SIN3B: variants seen among roughly 807,000 people sequenced by gnomAD.
SIN3B encodes SIN3 transcription regulator family member B.
A neutral mutation model predicts 120.2 loss-of-function variants in SIN3B; 19 were observed. The ratio of observed to expected loss-of-function variants is 0.16; its 90% CI spans 0.11 to 0.23. SIN3B has a LOEUF of 0.23. Ranked by LOEUF, SIN3B falls within the 10% of genes least tolerant of loss-of-function variation. SIN3B has a pLI of 1.00. For missense variants in SIN3B, 1,073 were observed against 1,573.0 expected, an observed-to-expected ratio of 0.68 and a Z score of 5.38; for synonymous variants, 654 against 653.2, an observed-to-expected ratio of 1.00 and a Z score of -0.02.
At chr19:16,835,396 T>C (rs1461763702) in intron 3 of SIN3B, among the ~76,000 whole-genome samples, 3 of 151,328 alleles carry the variant, frequency 2.0e-5, no homozygotes, top group Non-Finnish European at 4.4e-5. Flanking sequence ...TATCAGCTAA[T>C]TTTTGTATTT....
Position 16,846,728 on chromosome 19 carries a change from G to A in SIN3B, c.583-242G>A, listed in dbSNP as rs1450299897. On this transcript the variant is annotated intron_variant, in intron 4 of 18. Transcript: ENST00000248054. The stretch of plus-strand genomic sequence containing the variant: ...ATTACAGCCAGCCTGTCACCTCCCT[G>A]CCCCCTCTGTTCGTGGACACTGCTG... Among the ~76,000 whole-genome samples the A allele has an allele frequency of 2.6e-5, 4 of 152,042 alleles. No individual in the cohort carries two copies. The East Asian group carries it at 7.7e-4, about 29-fold the overall frequency.
intron 11 of SIN3B, 77 bp downstream of exon 11, chr19:16,865,725 T>G: frequency 1.2e-6 from 1 of 805,250 alleles, no homozygotes; most frequent in Non-Finnish European, 1.8e-6. Context: ...CCCTCCCCAC[T>G]GCAGGGAGCC....
intron 3 of SIN3B, among the ~76,000 whole-genome samples, chr19:16,840,258 G>C (rs186258449): frequency 6.6e-6 from 1 of 152,138 alleles, no homozygotes; most frequent in Non-Finnish European, 1.5e-5. Context: ...AACTGAGGCC[G>C]TTAGGGTAGG....
rs2051660904 is a variant in SIN3B at position 16,879,307 on chromosome 19, C to G, written c.*580C>G. ...TTTGGAAGTGAGAAGAACCCTTCAG[C>G]CAAACCTTTGGGATCCCATTTTGAA... On this transcript the variant is annotated 3_prime_UTR_variant, in exon 19 of 19. Coordinates refer to ENST00000248054, the MANE Select transcript of SIN3B (RefSeq NM_001297595.2). The G allele has an allele frequency of 6.5e-6, 1 of 153,008 alleles. No individual in the cohort carries two copies. The highest frequency in any genetic ancestry group is 2.1e-4 in the South Asian group (1 of 4,862). 9.5% of individuals were successfully genotyped at this position (153,008 alleles called of 1,614,324 possible).
intron 2 of SIN3B, among the ~76,000 whole-genome samples, chr19:16,830,339 C>G (rs986868491): frequency 6.6e-6 from 1 of 152,196 alleles, no homozygotes; most frequent in African/African-American, 2.4e-5. Flanking sequence ...TCTGGGCTCA[C>G]TGTGGTCCCA....
At chr19:16,871,091 A>C in intron 13 of SIN3B, 138 bp from the exon 14 acceptor site, 2 of 1,055,698 alleles carry the variant, frequency 1.9e-6, no homozygotes, top group Non-Finnish European at 1.4e-6. Context: ...GGTGATTCCC[A>C]CATTTGCCCC....
chr19:16,841,242 C>T (rs1353733959), intron 3 of SIN3B, among the ~76,000 whole-genome samples: 1 of 152,154 alleles, frequency 6.6e-6, no homozygotes, highest in African/African-American at 2.4e-5. Context: ...TTGCGATTGG[C>T]CTGGGTCTTA....
chr19:16,857,553 G>GTGTGTGTGTGTGTGTATA (rs66778532), intron 8 of SIN3B, among the ~76,000 whole-genome samples: 48 of 139,542 alleles, frequency 3.4e-4, no homozygotes, highest in South Asian at 1.1e-3. Flanking sequence ...GTGTGTGTGT[G>GTGTGTGTGTGTGTGTATA]TATATATACA....
At chr19:16,874,745 G>A (rs2051564440) in intron 14 of SIN3B, among the ~76,000 whole-genome samples, 1 of 149,284 alleles carries the variant, frequency 6.7e-6, no homozygotes, top group Non-Finnish European at 1.5e-5. Flanking sequence ...TTTTGGTATG[G>A]TCTAATCTGG....
chr19:16,874,497 TTGATTTGGTC>T (rs372530666), intron 14 of SIN3B, among the ~76,000 whole-genome samples: 621 of 152,066 alleles, frequency 4.1e-3, no homozygotes, highest in African/African-American at 0.014. Flanking sequence ...TGGTTTGGTT[TTGATTTGGTC>T]TGATTTGGTC....
At chr19:16,854,295 G>T (rs1971584101) in intron 8 of SIN3B, 34 bp downstream of exon 8, 7 of 1,403,616 alleles carry the variant, frequency 5.0e-6, no homozygotes, top group Non-Finnish European at 6.9e-6. Context: ...TCCCTAGGGG[G>T]GTTCTGTTCC....
chr19:16,878,895 C>A lies in SIN3B; in HGVS notation c.*168C>A. The A allele has an allele frequency of 1.5e-6, 1 of 655,920 alleles. No individual in the cohort carries two copies. The highest frequency in any genetic ancestry group is 2.6e-6 in the Non-Finnish European group (1 of 388,528). 40.6% of individuals were successfully genotyped at this position (655,920 alleles called of 1,614,324 possible). ...CGCCGCCCCCGTGGCTCCCGGTCTC[C>A]TGTGGGCCTGCTGTGTGCCAAACCT... is the stretch of plus-strand genomic sequence containing the variant. On this transcript the variant is annotated 3_prime_UTR_variant, in exon 19 of 19. Transcript: ENST00000248054.
chr19:16,836,704 C>G (rs1482156076), intron 3 of SIN3B, among the ~76,000 whole-genome samples: 1 of 152,166 alleles, frequency 6.6e-6, no homozygotes, highest in Non-Finnish European at 1.5e-5. Context: ...CATGGCCGCT[C>G]TCAGCTAGCG....
intron 8 of SIN3B, among the ~76,000 whole-genome samples, chr19:16,860,171 G>A (rs1224999019): frequency 1.3e-5 from 2 of 152,200 alleles, no homozygotes; most frequent in East Asian, 3.9e-4. Flanking sequence ...CTCTGCGTGT[G>A]CTTGACACGA....
chr19:16,877,734 C>T (rs1049326436), intron 17 of SIN3B, 95 bp downstream of exon 17: 46 of 876,894 alleles, frequency 5.2e-5, no homozygotes, highest in Non-Finnish European at 8.1e-5. Context: ...GGCACACTGT[C>T]TGGGAGCACT....
In SIN3B at chr19:16,866,463, C is replaced by T. The variant is rs1971774987; in HGVS notation, c.1713C>T (p.Ser571=). ...REQYEKAYLK[S]LDHQAVNFKQ... ...AGTATGAGAAGGCGTACCTCAAGTCCCTTGACCACCAGGCTGTGAACTTCA... is the reference window on the plus strand; with the variant it reads ...AGTATGAGAAGGCGTACCTCAAGTCTCTTGACCACCAGGCTGTGAACTTCA... The change falls in exon 12 of 19, where the codon TCC becomes TCT. Residue 571 remains serine (S), a synonymous_variant. Transcript: ENST00000248054. 6.2e-7 allele frequency: 1 copy of T among 1,613,936 alleles called. No homozygotes were observed. The highest frequency in any genetic ancestry group is 2.2e-5 in the East Asian group (1 of 44,852).
chr19:16,836,382 C>T (rs145643130), intron 3 of SIN3B, among the ~76,000 whole-genome samples: 1 of 152,262 alleles, frequency 6.6e-6, no homozygotes, highest in East Asian at 1.9e-4. Flanking sequence ...TGGAGCCTTG[C>T]CTTGGCCTCC....
chr19:16,866,818 G>A (rs112124985), intron 12 of SIN3B, among the ~76,000 whole-genome samples: 1,749 of 152,348 alleles, frequency 0.011, 27 homozygotes, highest in African/African-American at 0.038. Context: ...GTGCAGTGGT[G>A]TGATCTCAGC....
At chr19:16,870,891 A>G (rs1301165595) in intron 13 of SIN3B, among the ~76,000 whole-genome samples, 2 of 151,560 alleles carry the variant, frequency 1.3e-5, no homozygotes, top group Admixed American at 1.3e-4. Flanking sequence ...GGATTTCACC[A>G]TGTTGGCCAA....
Sources: gnomAD v4.1 joint callset for allele counts (sites outside exome capture counted in the v4.1 genomes callset) on GRCh38, gnomAD v4.1.1 for gene constraint, MANE v1.5 for transcripts, NCBI Gene and HGNC (gene_info 2026-07-23, HGNC 2026-07-21) for gene names.